KATNIP: variants seen among roughly 807,000 people sequenced by gnomAD.
KATNIP encodes katanin interacting protein.
KATNIP carries 126 observed loss-of-function variants against 174.0 expected under a neutral mutation model. The ratio of observed to expected loss-of-function variants is 0.72; its 90% CI spans 0.63 to 0.84. KATNIP has a LOEUF of 0.84. Among genes scored for constraint, KATNIP ranks in the 40% least tolerant of loss-of-function variants. KATNIP has a pLI of 0.00. For synonymous variants in KATNIP, 810 were observed against 835.7 expected (o/e 0.97, Z 0.53); for missense variants, 1,958 against 2,109.7 (o/e 0.93, Z 1.41).
At chr16:27,774,333 T>G (rs1452112953) in intron 23 of KATNIP, among the ~76,000 whole-genome samples, 1 of 152,220 alleles carries the variant, frequency 6.6e-6, no homozygotes, top group Non-Finnish European at 1.5e-5. Context: ...TCACATCTGG[T>G]GCACTCTGAG....
chr16:27,751,594 C>T, intron 16 of KATNIP, 125 bp from the exon 17 acceptor site: 1 of 812,098 alleles, frequency 1.2e-6, no homozygotes, highest in Admixed American at 2.2e-5. Flanking sequence ...AAGGCTCACA[C>T]TAATCAATAC....
intron 15 of KATNIP, among the ~76,000 whole-genome samples, chr16:27,744,965 TA>T (rs1421697205): frequency 6.6e-6 from 1 of 151,926 alleles, no homozygotes; most frequent in African/African-American, 2.4e-5. Flanking sequence ...TTTAATTAAT[TA>T]AAATCAAAGT....
intron 6 of KATNIP, among the ~76,000 whole-genome samples, chr16:27,672,646 C>T (rs1300427939): frequency 6.6e-6 from 1 of 152,164 alleles, no homozygotes; most frequent in Non-Finnish European, 1.5e-5. Context: ...CTGTGTTATG[C>T]GTGGATAATC....
At chr16:27,720,391 TAC>T (rs2080171813) in intron 13 of KATNIP, among the ~76,000 whole-genome samples, 1 of 151,998 alleles carries the variant, frequency 6.6e-6, no homozygotes, top group African/African-American at 2.4e-5. Context: ...GCACCTGGCC[TAC>T]AGTCTCCTCC....
chr16:27,587,818 T>G lies in KATNIP; in HGVS notation c.63+13862T>G, dbSNP rs1018885. On this transcript the variant is annotated intron_variant, in intron 2 of 27. Coordinates refer to ENST00000261588, the MANE Select transcript of KATNIP (RefSeq NM_015202.5). ...TATTGCTTTCATACCACAATAAAGT[T>G]GAAAAATCCTAAGATGATCCATTGG... Among the ~76,000 whole-genome samples, 50 of 152,154 alleles carry G rather than the reference T, an allele frequency of 3.3e-4. 1 individual carries two copies. The highest frequency in any genetic ancestry group is 8.7e-4 in the African/African-American group (36 of 41,528).
At chr16:27,701,490 T>C in intron 10 of KATNIP, 99 bp from the exon 11 acceptor site, 2 of 826,720 alleles carry the variant, frequency 2.4e-6, no homozygotes, top group South Asian at 3.2e-5. Flanking sequence ...ACAAAGGGAC[T>C]GTCAGCCTGA....
intron 13 of KATNIP, among the ~76,000 whole-genome samples, chr16:27,714,705 A>G (rs2079847564): frequency 6.6e-6 from 1 of 152,236 alleles, no homozygotes; most frequent in Non-Finnish European, 1.5e-5. Flanking sequence ...TTATGTTTAC[A>G]GTAGCATCAA....
intron 5 of KATNIP, 41 bp downstream of exon 5, chr16:27,631,203 AGT>A (rs759330343): frequency 7.8e-5 from 112 of 1,430,554 alleles, no homozygotes; most frequent in Non-Finnish European, 9.6e-5. Context: ...TAGAATACAG[AGT>A]GTGGGTGGCT....
chr16:27,585,918 A>G (rs891142705), intron 2 of KATNIP, among the ~76,000 whole-genome samples: 3 of 152,092 alleles, frequency 2.0e-5, no homozygotes, highest in Non-Finnish European at 2.9e-5. Flanking sequence ...CCCAGGCAAC[A>G]TGGTGAAACC....
chr16:27,574,674 C>T (rs757832799), intron 2 of KATNIP, among the ~76,000 whole-genome samples: 2 of 150,598 alleles, frequency 1.3e-5, no homozygotes, highest in Non-Finnish European at 3.0e-5. Context: ...AAGCAATTCT[C>T]CTGCCTTAGC....
chr16:27,600,603 C>G (rs936964504), intron 2 of KATNIP, among the ~76,000 whole-genome samples: 3 of 152,124 alleles, frequency 2.0e-5, no homozygotes, highest in Admixed American at 1.3e-4. Flanking sequence ...TCCGCCCTCC[C>G]CCATTCTCCT....
chr16:27,597,402 C>CTTTTTTTTTTTTTTTTTTTTTTT (rs36005993), intron 2 of KATNIP, among the ~76,000 whole-genome samples: 1 of 46,128 alleles, frequency 2.2e-5, no homozygotes, highest in East Asian at 9.2e-4. Context: ...ATTTTCTTTT[C>CTTTTTTTTTTTTTTTTTTTTTTT]TTTTTTTTTT....
intron 7 of KATNIP, among the ~76,000 whole-genome samples, chr16:27,680,896 T>C (rs1419272216): frequency 1.3e-5 from 2 of 152,238 alleles, no homozygotes; most frequent in East Asian, 3.9e-4. Flanking sequence ...AGTTTCACCA[T>C]GTTGGCCAGG....
intron 2 of KATNIP, among the ~76,000 whole-genome samples, chr16:27,611,570 T>A (rs561836197): frequency 6.6e-6 from 1 of 152,320 alleles, no homozygotes; most frequent in Admixed American, 6.5e-5. Flanking sequence ...TCTCCTTCCC[T>A]GTGTCATGGG....
At chr16:27,740,020 T>C (rs199803137) in intron 14 of KATNIP, 21 bp from the exon 15 acceptor site, 1 of 1,591,628 alleles carries the variant, frequency 6.3e-7, no homozygotes, top group South Asian at 1.1e-5. Context: ...ATCTTCACTT[T>C]GTTAAATCTT....
intron 19 of KATNIP, among the ~76,000 whole-genome samples, chr16:27,762,614 C>T (rs982041806): frequency 6.6e-6 from 1 of 152,204 alleles, no homozygotes; most frequent in Non-Finnish European, 1.5e-5. Flanking sequence ...AATGAGGAGT[C>T]ATTCCCATGG....
At chr16:27,770,528 T>A (rs1011139710) in intron 21 of KATNIP, among the ~76,000 whole-genome samples, 1 of 152,240 alleles carries the variant, frequency 6.6e-6, no homozygotes, top group Non-Finnish European at 1.5e-5. Flanking sequence ...GCCAAGCTCT[T>A]GAAACAAAAT....
chr16:27,715,441 T>C (rs912329615), intron 13 of KATNIP, among the ~76,000 whole-genome samples: 1 of 152,074 alleles, frequency 6.6e-6, no homozygotes, highest in African/African-American at 2.4e-5. Flanking sequence ...AACGGATAAG[T>C]CAGACTTCAT....
chr16:27,681,645 C>T, intron 8 of KATNIP, 115 bp downstream of exon 8: 1 of 1,193,510 alleles, frequency 8.4e-7, no homozygotes, highest in Non-Finnish European at 1.2e-6. Flanking sequence ...GCTAGCTGCC[C>T]TTTAGCAAAT....
Sources: gnomAD v4.1 joint callset for allele counts (sites outside exome capture counted in the v4.1 genomes callset) on GRCh38, gnomAD v4.1.1 for gene constraint, MANE v1.5 for transcripts, NCBI Gene and HGNC (gene_info 2026-07-23, HGNC 2026-07-21) for gene names.